The following TESPA1 variants were observed in gnomAD, a reference collection of about 807,000 sequenced individuals.
TESPA1 encodes protein TESPA1.
Under a neutral mutation model 57.9 loss-of-function variants are expected in TESPA1, and 33 were observed. That is an observed-to-expected ratio of 0.57 (90% CI 0.43 to 0.76). The LOEUF (loss-of-function observed/expected upper bound fraction) is 0.76, where lower values mean the gene tolerates loss of function less well. TESPA1 is among the 30% of genes least tolerant of loss of function. The probability of loss-of-function intolerance (pLI) is 0.00; values close to 1 mark genes in which losing one functional copy is unlikely to be tolerated. For synonymous variants in TESPA1, 227 were observed against 228.9 expected, an observed-to-expected ratio of 0.99 and a Z score of 0.07; for missense variants, 618 against 632.9, an observed-to-expected ratio of 0.98 and a Z score of 0.25.
intron 10 of TESPA1, among the ~76,000 whole-genome samples, chr12:54,951,842 C>T (rs1420093965): frequency 6.7e-6 from 1 of 149,948 alleles, no homozygotes; most frequent in Non-Finnish European, 1.5e-5. Context: ...ATTAATATTT[C>T]TAAGTTGTTT....
At chr12:54,984,068 T>A (rs934225249) in intron 1 of TESPA1, 5 of 152,214 alleles carry the variant, frequency 3.3e-5, no homozygotes, top group African/African-American at 7.2e-5. Context: ...AACAAGTTTC[T>A]TCTACAGCTT....
chr12:54,973,829 A>T (rs1241306031), intron 2 of TESPA1: 2 of 1,131,058 alleles, frequency 1.8e-6, no homozygotes, highest in East Asian at 1.0e-4. Flanking sequence ...AAAAAGAAAA[A>T]GAAAAAGAAA....
At chr12:54,951,689 C>G (rs1950401134) in intron 10 of TESPA1, among the ~76,000 whole-genome samples, 1 of 152,128 alleles carries the variant, frequency 6.6e-6, no homozygotes, top group Non-Finnish European at 1.5e-5. Flanking sequence ...TTGCATTTTC[C>G]TTCCTATTGG....
At chr12:54,956,506 T>G (rs576953021) in intron 10 of TESPA1, among the ~76,000 whole-genome samples, 1 of 152,152 alleles carries the variant, frequency 6.6e-6, no homozygotes, top group East Asian at 1.9e-4. Context: ...GGCTGTGAAT[T>G]TGACATTTTT....
At position 54,962,641 on chromosome 12, in the gene TESPA1, G is replaced by A. The variant is rs1290387050; in HGVS notation, c.1257C>T (p.Thr419=). ...IRRELCSLPA[T]NTETHPAKDE... is the part of the protein sequence containing the mutation. ...CCTTGGCTGGATGGGTTTCCGTATT[G>A]GTGGCTGGTAGACTACACAGCTCTC... Residue 419 remains threonine, a synonymous_variant, in exon 9 of 11, where the codon ACC becomes ACT. Coordinates refer to ENST00000449076, the MANE Select transcript of TESPA1 (RefSeq NM_001136030.3). 1.9e-6 allele frequency: 3 copies of A among 1,613,758 alleles called. No individual in the cohort carries two copies. The highest frequency in any genetic ancestry group is 1.1e-5 in the South Asian group (1 of 91,088).
At chr12:54,961,129 C>T in intron 10 of TESPA1, 39 bp downstream of exon 10, 2 of 1,609,090 alleles carry the variant, frequency 1.2e-6, no homozygotes, top group Non-Finnish European at 1.7e-6. Context: ...TTACAATGTG[C>T]AGCCAGGTTT....
At chr12:54,956,761 G>C (rs1950759489) in intron 10 of TESPA1, among the ~76,000 whole-genome samples, 2 of 152,286 alleles carry the variant, frequency 1.3e-5, no homozygotes, top group South Asian at 4.1e-4. Context: ...TACAATTCTG[G>C]AGGCTGGCAA....
rs1189761412 is a variant in TESPA1 at position 54,956,823 on chromosome 12, C to T, written c.*1+4345G>A. ...TGAGGGCCTCCTTGTAGCATCATCCCATGGCGGAAGATGGAGGGGGAAGAC... is the reference window on the plus strand; with the variant it reads ...TGAGGGCCTCCTTGTAGCATCATCCTATGGCGGAAGATGGAGGGGGAAGAC... On this transcript the variant is annotated intron_variant, in intron 10 of 10. Transcript: ENST00000449076. Among the ~76,000 whole-genome samples, 3 of 152,304 alleles carry T rather than the reference C, an allele frequency of 2.0e-5. No individual in the cohort carries two copies. The East Asian group carries it at 5.8e-4, about 29-fold the overall frequency.
At chr12:54,969,828 C>G (rs190871694) in intron 3 of TESPA1, among the ~76,000 whole-genome samples, 2 of 152,150 alleles carry the variant, frequency 1.3e-5, no homozygotes, top group Non-Finnish European at 2.9e-5. Context: ...GTGAACGAAA[C>G]GGACGGAAAG....
chr12:54,968,748 G>T (rs1951611894), intron 3 of TESPA1, among the ~76,000 whole-genome samples: 1 of 152,132 alleles, frequency 6.6e-6, no homozygotes, highest in Non-Finnish European at 1.5e-5. Context: ...TTACATGGAA[G>T]TTATTCATGG....
chr12:54,953,686 T>C (rs896256151), intron 10 of TESPA1, among the ~76,000 whole-genome samples: 2 of 150,070 alleles, frequency 1.3e-5, no homozygotes, highest in Non-Finnish European at 2.9e-5. Context: ...GCCTGGCTAA[T>C]TTTTTTTGTA....
In TESPA1 at chr12:54,974,472, C is replaced by G; in HGVS notation, c.91G>C (p.Glu31Gln). 6.2e-7 allele frequency: 1 copy of G among 1,606,976 alleles called. No individual in the cohort carries two copies. The highest frequency in any genetic ancestry group is 8.5e-7 in the Non-Finnish European group (1 of 1,176,824). The change falls in exon 2 of 11, where the codon GAG (glutamate) becomes CAG (glutamine). Residue 31 changes from glutamate (E) to glutamine (Q), a missense_variant. This residue lies in a region of TESPA1 where 199 missense variants were observed against 184.0 expected (regional missense o/e 1.08). Coordinates refer to ENST00000449076, the MANE Select transcript of TESPA1 (RefSeq NM_001136030.3). ...SRNWQTQVLE[E>Q]EAAAALQDVP... ...TCCTGCAGGGCGGCGGCAGCCTCCT[C>G]TTCTAGGACCTGGGTCTGCCAGTTA...
chr12:54,962,839 C>A lies in TESPA1; in HGVS notation c.1059G>T (p.Leu353Phe), dbSNP rs774052805. 16 of 1,613,684 alleles carry A rather than the reference C, an allele frequency of 9.9e-6. No homozygotes were observed. Among genetic ancestry groups the A allele is most frequent in the Non-Finnish European group, 1.3e-5 (15 of 1,179,808 alleles). Residue 353 changes from leucine to phenylalanine, a missense_variant, in exon 9 of 11, where the codon TTG becomes TTT. Coordinates refer to ENST00000449076, the MANE Select transcript of TESPA1 (RefSeq NM_001136030.3). ...DPVPPAEGKK[L>F]PTSPYPCVFC... ...AGACACATGGATAGGGAGAAGTGGG[C>A]AACTTCTTACCCTCAGCAGGGGGCA...
intron 7 of TESPA1, among the ~76,000 whole-genome samples, chr12:54,964,740 C>T (rs1396422069): frequency 1.3e-5 from 2 of 152,316 alleles, no homozygotes; most frequent in South Asian, 2.1e-4. Flanking sequence ...GCTGGACGGT[C>T]GGAATCCCTG....
Position 54,949,260 on chromosome 12 carries a change from C to T in TESPA1, c.*1132G>A, listed in dbSNP as rs1950243501. 1 of 152,174 alleles carries T rather than the reference C, an allele frequency of 6.6e-6. No individual in the cohort carries two copies. Among genetic ancestry groups the T allele is most frequent in the African/African-American group, 2.4e-5 (1 of 41,442 alleles). 9.4% of individuals were successfully genotyped at this position (152,174 alleles called of 1,614,324 possible). A position where few individuals can be genotyped will look rare whatever the true frequency, so the allele number is the denominator to read the frequency against. On this transcript the variant is annotated 3_prime_UTR_variant, in exon 11 of 11. Coordinates refer to ENST00000449076, the MANE Select transcript of TESPA1 (RefSeq NM_001136030.3). The stretch of plus-strand genomic sequence containing the variant: ...TCAGACTCAGTTTGTGCCTTCTCCC[C>T]TAATGCTGGCAATAGCACCAGAACA...
chr12:54,961,442 A>G (rs1310027145), intron 9 of TESPA1, among the ~76,000 whole-genome samples, 175 bp from the exon 10 acceptor site: 3 of 152,236 alleles, frequency 2.0e-5, no homozygotes, highest in African/African-American at 7.2e-5. Context: ...GTAGCTCTAC[A>G]TTCAAGGAGA....
intron 10 of TESPA1, 133 bp from the exon 11 acceptor site, chr12:54,950,523 C>T (rs928457225): frequency 1.2e-5 from 4 of 345,608 alleles, no homozygotes; most frequent in East Asian, 7.6e-5. Context: ...AAGTTATTAG[C>T]AGCAGCAGCA....
intron 1 of TESPA1, chr12:54,981,642 C>T (rs1952328651): frequency 6.6e-6 from 1 of 151,908 alleles, no homozygotes; most frequent in Admixed American, 6.6e-5. Context: ...TAATCCTGTT[C>T]ACTCATTTTG....
intron 1 of TESPA1, among the ~76,000 whole-genome samples, chr12:54,982,109 C>T (rs1211009786): frequency 6.6e-6 from 1 of 152,230 alleles, no homozygotes; most frequent in African/African-American, 2.4e-5. Context: ...TTTCTCTGTT[C>T]ATGAACTGGA....
Sources: gnomAD v4.1 joint callset for allele counts (sites outside exome capture counted in the v4.1 genomes callset) on GRCh38, gnomAD v4.1.1 for gene constraint, gnomAD v4.1.1 regional missense constraint, MANE v1.5 for transcripts, NCBI Gene and HGNC (gene_info 2026-07-23, HGNC 2026-07-21) for gene names.